The following C12orf54 variants were observed in gnomAD, a reference collection of about 807,000 sequenced individuals.
C12orf54 encodes uncharacterized protein C12orf54.
Under a neutral mutation model 26.4 loss-of-function variants are expected in C12orf54, and 24 were observed. That is an observed-to-expected ratio of 0.91 (90% CI 0.66 to 1.28). C12orf54 has a LOEUF of 1.28. Among genes scored for constraint, C12orf54 ranks in the 50% most tolerant of loss-of-function variants. The pLI, the probability that C12orf54 is intolerant of heterozygous loss-of-function variation, is 0.00. For synonymous variants in C12orf54, 54 were observed against 47.0 expected, an observed-to-expected ratio of 1.15 and a Z score of -0.61; for missense variants, 154 against 150.9, an observed-to-expected ratio of 1.02 and a Z score of -0.11.
the C12orf54 span, among the ~76,000 whole-genome samples, chr12:48,476,157 T>C: frequency 6.6e-6 from 1 of 152,056 alleles, no homozygotes; most frequent in Non-Finnish European, 1.5e-5. Flanking sequence ...GCTTCATAAG[T>C]GAAGGAGAAA....
At chr12:48,413,176 A>G in the C12orf54 span, among the ~76,000 whole-genome samples, 3 of 152,298 alleles carry the variant, frequency 2.0e-5, no homozygotes, top group South Asian at 6.2e-4. Context: ...TTTTGCTTCA[A>G]ATTCAGCATT....
At chr12:48,491,011 GT>G (rs1052856809) in intron 6 of C12orf54, among the ~76,000 whole-genome samples, 175 bp downstream of exon 6, 35 of 152,286 alleles carry the variant, frequency 2.3e-4, no homozygotes, top group African/African-American at 8.2e-4. Flanking sequence ...CGGAGTCCAT[GT>G]TCTCTTTTCT....
chr12:48,459,923 C>A, the C12orf54 span, among the ~76,000 whole-genome samples: 19 of 152,170 alleles, frequency 1.2e-4, no homozygotes, highest in Admixed American at 8.5e-4. Flanking sequence ...GTCCCATAGG[C>A]ATGTACATAT....
the C12orf54 span, among the ~76,000 whole-genome samples, chr12:48,441,384 A>G: frequency 6.6e-6 from 1 of 152,162 alleles, no homozygotes; most frequent in Non-Finnish European, 1.5e-5. Context: ...AATCGTTTGA[A>G]GCTGGGAGGC....
chr12:48,427,831 G>A, the C12orf54 span, among the ~76,000 whole-genome samples: 32 of 152,122 alleles, frequency 2.1e-4, no homozygotes, highest in Non-Finnish European at 4.3e-4. Context: ...CTTAACAGGT[G>A]TATATAGAAC....
chr12:48,481,268 T>A (rs1954195493), upstream of C12orf54, among the ~76,000 whole-genome samples: 2 of 151,960 alleles, frequency 1.3e-5, no homozygotes, highest in African/African-American at 2.4e-5. Flanking sequence ...AGGTAGGAAT[T>A]GAGTTGGATT....
At chr12:48,424,523 A>G in the C12orf54 span, among the ~76,000 whole-genome samples, 3 of 146,746 alleles carry the variant, frequency 2.0e-5, no homozygotes, top group East Asian at 9.9e-4. Flanking sequence ...GCTCACTAGA[A>G]TGGTTCAAAT....
intron 7 of C12orf54, 82 bp downstream of exon 7, chr12:48,493,077 T>C: frequency 7.7e-7 from 1 of 1,305,204 alleles, no homozygotes; most frequent in Non-Finnish European, 1.1e-6. Flanking sequence ...TATAGCTAGC[T>C]CTGAGCCTTG....
At chr12:48,460,427 A>C in the C12orf54 span, among the ~76,000 whole-genome samples, 1 of 152,140 alleles carries the variant, frequency 6.6e-6, no homozygotes, top group Non-Finnish European at 1.5e-5. Context: ...TCAACACTGT[A>C]AGAAATCTTA....
chr12:48,434,975 G>A, the C12orf54 span, among the ~76,000 whole-genome samples: 2 of 152,134 alleles, frequency 1.3e-5, no homozygotes, highest in Non-Finnish European at 2.9e-5. Context: ...GCTAAAAGAG[G>A]AAGTTTGAAC....
At chr12:48,419,352 C>G in the C12orf54 span, among the ~76,000 whole-genome samples, 1 of 152,216 alleles carries the variant, frequency 6.6e-6, no homozygotes, top group Non-Finnish European at 1.5e-5. Flanking sequence ...TCAATTTTTC[C>G]AGTCATAAAA....
At position 48,490,822 on chromosome 12, in the gene C12orf54, A is replaced by G. The variant is rs769112097; in HGVS notation, c.179A>G (p.Asp60Gly). 5.6e-6 allele frequency: 9 copies of G among 1,613,710 alleles called. No individual in the cohort carries two copies. The highest frequency in any genetic ancestry group is 6.8e-6 in the Non-Finnish European group (8 of 1,179,616). Residue 60 changes from aspartate (D) to glycine (G), a missense_variant, in exon 6 of 9, where the codon GAT becomes GGT. Coordinates refer to ENST00000548364, the MANE Select transcript of C12orf54 (RefSeq NM_152319.4). ...FKDIQKELQE[D>G]ARIRGMSNCS... ...CTCATTATTTTTCAGCTGCAGGAAGATGCTCGGATTCGAGGTAAAACAGCA... is the reference window on the plus strand; with the variant it reads ...CTCATTATTTTTCAGCTGCAGGAAGGTGCTCGGATTCGAGGTAAAACAGCA...
At chr12:48,481,299 A>T (rs1954195741), upstream of C12orf54, among the ~76,000 whole-genome samples, 1 of 152,162 alleles carries the variant, frequency 6.6e-6, no homozygotes, top group African/African-American at 2.4e-5. Context: ...TCTGGCCATG[A>T]AAGGGTAAAA....
the C12orf54 span, among the ~76,000 whole-genome samples, chr12:48,419,393 A>G: frequency 0.014 from 2,196 of 152,270 alleles, 24 homozygotes; most frequent in Non-Finnish European, 0.021. Context: ...GCGTGGTTTT[A>G]AGACTTTTAT....
chr12:48,488,121 G>A, intron 4 of C12orf54: 3 of 809,452 alleles, frequency 3.7e-6, no homozygotes, highest in South Asian at 1.3e-5. Context: ...CTGCATGAAG[G>A]AACAGTTTGC....
the C12orf54 span, among the ~76,000 whole-genome samples, chr12:48,467,674 T>C: frequency 1.3e-5 from 2 of 152,072 alleles, no homozygotes; most frequent in African/African-American, 4.8e-5. Context: ...AGATGACAGA[T>C]TACCAAGGGG....
At chr12:48,423,256 A>C in the C12orf54 span, among the ~76,000 whole-genome samples, 2 of 152,156 alleles carry the variant, frequency 1.3e-5, no homozygotes, top group African/African-American at 4.8e-5. Context: ...CTATAATAAA[A>C]AGTGTAGTTG....
At chr12:48,489,425 ATCTC>A (rs56968979) in intron 5 of C12orf54, 75 of 246,674 alleles carry the variant, frequency 3.0e-4, no homozygotes, top group South Asian at 7.9e-4. Flanking sequence ...GTCTCTCTCA[ATCTC>A]TCTCTCTCTC....
At chr12:48,420,863 T>C in the C12orf54 span, among the ~76,000 whole-genome samples, 2 of 152,194 alleles carry the variant, frequency 1.3e-5, no homozygotes, top group East Asian at 3.8e-4. Context: ...TTGATATGTC[T>C]GGTGCCACAT....
Sources: allele counts gnomAD v4.1 joint callset (sites outside exome capture counted in the v4.1 genomes callset), GRCh38; gene constraint gnomAD v4.1.1; transcripts MANE v1.5; gene names NCBI Gene and HGNC (gene_info 2026-07-23, HGNC 2026-07-21).